RAB2A: variants seen among roughly 807,000 people sequenced by gnomAD.
RAB2A encodes ras-related protein Rab-2A.
Under a neutral mutation model 32.5 loss-of-function variants are expected in RAB2A, and 7 were observed. That is an observed-to-expected ratio of 0.22 (90% confidence interval 0.12 to 0.40). The LOEUF is 0.40. Among genes scored for constraint, RAB2A ranks in the 10% least tolerant of loss-of-function variants. RAB2A has a pLI of 1.00. For missense variants in RAB2A, 108 were observed against 260.7 expected, an observed-to-expected ratio of 0.41 and a Z score of 4.03; for synonymous variants, 79 against 85.2, an observed-to-expected ratio of 0.93 and a Z score of 0.40.
intron 6 of RAB2A, among the ~76,000 whole-genome samples, chr8:60,611,912 A>G (rs1270885741): frequency 6.6e-6 from 1 of 152,228 alleles, no homozygotes; most frequent in African/African-American, 2.4e-5. Context: ...ACCAATTATT[A>G]ATCTGCATTG....
chr8:60,584,013 G>A, intron 3 of RAB2A, 195 bp from the exon 4 acceptor site: 1 of 490,968 alleles, frequency 2.0e-6, no homozygotes, highest in Non-Finnish European at 3.8e-6. Flanking sequence ...TGCACTACAT[G>A]TGCGTCTCGT....
At chr8:60,584,036 T>G in intron 3 of RAB2A, 172 bp from the exon 4 acceptor site, 1 of 553,914 alleles carries the variant, frequency 1.8e-6, no homozygotes, top group East Asian at 3.1e-5. Flanking sequence ...ACTTGAGCAA[T>G]CTTGAGCAAT....
At chr8:60,560,750 T>TG (rs1486057552) in intron 2 of RAB2A, among the ~76,000 whole-genome samples, 2 of 149,662 alleles carry the variant, frequency 1.3e-5, no homozygotes, top group Non-Finnish European at 3.0e-5. Context: ...TGTTTTTTGT[T>TG]TTTTTTTTTT....
chr8:60,614,242 G>A (rs939411613), intron 6 of RAB2A, among the ~76,000 whole-genome samples: 1 of 98,756 alleles, frequency 1.0e-5, no homozygotes, highest in Admixed American at 9.7e-5. Context: ...TTCTTCTATC[G>A]GTTAGTGCAG....
At chr8:60,586,150 A>G (rs1803842850) in intron 5 of RAB2A, among the ~76,000 whole-genome samples, 1 of 152,140 alleles carries the variant, frequency 6.6e-6, no homozygotes, top group Admixed American at 6.5e-5. Context: ...AAATTTTAAA[A>G]TTTAGCTAGA....
chr8:60,568,981 GT>G (rs1808157330), intron 2 of RAB2A, among the ~76,000 whole-genome samples: 1 of 152,188 alleles, frequency 6.6e-6, no homozygotes, highest in Admixed American at 6.5e-5. Context: ...AAGAAATCAA[GT>G]TTTTGGTTTC....
chr8:60,592,879 G>A (rs962443024), intron 6 of RAB2A, among the ~76,000 whole-genome samples: 5 of 152,112 alleles, frequency 3.3e-5, no homozygotes, highest in Non-Finnish European at 7.4e-5. Flanking sequence ...CTTAGTTCCC[G>A]ATTTCTAGAT....
intron 1 of RAB2A, among the ~76,000 whole-genome samples, chr8:60,527,537 G>A (rs1807411521): frequency 6.6e-6 from 1 of 152,034 alleles, no homozygotes; most frequent in Non-Finnish European, 1.5e-5. Context: ...CAACCAGATT[G>A]GCCACTCCCC....
intron 5 of RAB2A, among the ~76,000 whole-genome samples, chr8:60,586,814 A>G (rs1004580473): frequency 6.6e-6 from 1 of 152,004 alleles, no homozygotes; most frequent in Non-Finnish European, 1.5e-5. Context: ...CTTTAGCTCT[A>G]CTTACTCAGG....
intron 1 of RAB2A, among the ~76,000 whole-genome samples, chr8:60,532,658 A>C (rs1314301876): frequency 6.6e-6 from 1 of 152,130 alleles, no homozygotes; most frequent in Admixed American, 6.5e-5. Context: ...CTACAAGTGC[A>C]TGCCAGCACA....
At chr8:60,584,131 A>G (rs1803810228) in intron 3 of RAB2A, 77 bp from the exon 4 acceptor site, 2 of 1,199,788 alleles carry the variant, frequency 1.7e-6, no homozygotes, top group Admixed American at 1.7e-5. Context: ...ACCTGCTCTT[A>G]TTCTGTATAT....
intron 3 of RAB2A, among the ~76,000 whole-genome samples, chr8:60,579,312 G>C (rs544128200): frequency 6.6e-6 from 1 of 151,868 alleles, no homozygotes; most frequent in East Asian, 1.9e-4. Context: ...CAAAGTGCTG[G>C]GATTACAGGC....
At chr8:60,519,781 A>C (rs920926708) in intron 1 of RAB2A, among the ~76,000 whole-genome samples, 1 of 152,102 alleles carries the variant, frequency 6.6e-6, no homozygotes, top group African/African-American at 2.4e-5. Context: ...GAGAGGAGCC[A>C]AACAGGCTAC....
At chr8:60,529,727 G>C (rs184309189) in intron 1 of RAB2A, among the ~76,000 whole-genome samples, 265 of 152,196 alleles carry the variant, frequency 1.7e-3, no homozygotes, top group Non-Finnish European at 3.0e-3. Context: ...GCTTGATTAT[G>C]TTCTGTTGTT....
intron 2 of RAB2A, among the ~76,000 whole-genome samples, chr8:60,566,469 T>G (rs1390922392): frequency 2.0e-5 from 3 of 152,170 alleles, no homozygotes; most frequent in Admixed American, 2.0e-4. Context: ...AGTTTTTTTG[T>G]TTTTTTGTTT....
At chr8:60,539,373 A>G (rs978741955) in intron 1 of RAB2A, among the ~76,000 whole-genome samples, 5 of 152,206 alleles carry the variant, frequency 3.3e-5, no homozygotes, top group African/African-American at 1.2e-4. Context: ...TATCTCTTTT[A>G]TTACATATTA....
intron 1 of RAB2A, among the ~76,000 whole-genome samples, chr8:60,546,188 T>C (rs1807724052): frequency 6.6e-6 from 1 of 152,232 alleles, no homozygotes; most frequent in South Asian, 2.1e-4. Context: ...TTTCTGTTTG[T>C]TTAGGAAAAC....
intron 6 of RAB2A, among the ~76,000 whole-genome samples, chr8:60,611,436 G>A (rs1804346296): frequency 6.6e-6 from 1 of 152,128 alleles, no homozygotes; most frequent in East Asian, 1.9e-4. Flanking sequence ...TTCACTTGCA[G>A]GGCTTTTCTC....
intron 3 of RAB2A, among the ~76,000 whole-genome samples, chr8:60,580,128 C>T (rs1803718321): frequency 6.6e-6 from 1 of 151,594 alleles, no homozygotes; most frequent in Non-Finnish European, 1.5e-5. Context: ...TCCCAAGTAG[C>T]TGAGATTACA....
Sources: allele counts gnomAD v4.1 joint callset (sites outside exome capture counted in the v4.1 genomes callset), GRCh38; gene constraint gnomAD v4.1.1; transcripts MANE v1.5; gene names NCBI Gene and HGNC (gene_info 2026-07-23, HGNC 2026-07-21).